POSTN: variants seen among roughly 807,000 people sequenced by gnomAD.
POSTN encodes periostin, also known as osteoblast specific factor 2 (fasciclin I-like).
Under a neutral mutation model 104.5 loss-of-function variants are expected in POSTN, and 71 were observed. The observed-to-expected ratio is 0.68, with a 90% confidence interval of 0.56 to 0.83. The LOEUF is 0.83. Ranked by LOEUF, POSTN falls within the 40% of genes least tolerant of loss-of-function variation. POSTN has a pLI of 0.00. For synonymous variants in POSTN, 355 were observed against 340.7 expected, an observed-to-expected ratio of 1.04 and a Z score of -0.46; for missense variants, 949 against 1,006.8, an observed-to-expected ratio of 0.94 and a Z score of 0.78.
chr13:37,592,295 C>A, intron 2 of POSTN, 131 bp from the exon 3 acceptor site: 1 of 624,956 alleles, frequency 1.6e-6, no homozygotes, highest in Non-Finnish European at 2.7e-6. Flanking sequence ...TTTTTCCCCC[C>A]TGATTTTTTC....
intron 10 of POSTN, 106 bp from the exon 11 acceptor site, chr13:37,580,803 G>C: frequency 7.0e-7 from 1 of 1,423,908 alleles, no homozygotes; most frequent in Non-Finnish European, 9.6e-7. Context: ...CTGAGAGGTT[G>C]CCTGGTGTCT....
chr13:37,587,960 G>T lies in POSTN; in HGVS notation c.468C>A (p.Asn156Lys). ...DSDIRRGLES[N>K]VNVELLNALH... ...AAGCATTCAGTAATTCAACATTCACGTTGCTCTCCAAACCTCTACGGATAT... is the reference window on the plus strand; with the variant it reads ...AAGCATTCAGTAATTCAACATTCACTTTGCTCTCCAAACCTCTACGGATAT... Residue 156 changes from asparagine (N) to lysine (K), a missense_variant, in exon 5 of 23, where the codon AAC becomes AAA. Physicochemically the swap from Asn to Lys is moderately conservative, Grantham distance 94. Coordinates refer to ENST00000379747, the MANE Select transcript of POSTN (RefSeq NM_006475.3). 6.2e-7 allele frequency: 1 copy of T among 1,603,830 alleles called. No homozygotes were observed. The highest frequency in any genetic ancestry group is 1.7e-4 in the Middle Eastern group (1 of 6,042).
chr13:37,562,729 G>C lies in POSTN; in HGVS notation c.*604C>G, dbSNP rs1949968082. On this transcript the variant is annotated 3_prime_UTR_variant, in exon 23 of 23. Transcript: ENST00000379747. ...GTAATTCTCTTTATATCTGAAAAATGGTTTTATTGAAACGTTTGAGATTAA... is the reference window on the plus strand; with the variant it reads ...GTAATTCTCTTTATATCTGAAAAATCGTTTTATTGAAACGTTTGAGATTAA... 1 of 152,164 alleles carries C rather than the reference G, an allele frequency of 6.6e-6. No homozygotes were observed. The highest frequency in any genetic ancestry group is 1.9e-4 in the East Asian group (1 of 5,176). The allele number at this position is 152,164 out of a possible 1,614,324, so 9.4% of individuals were successfully genotyped here.
chr13:37,591,508 G>C (rs966745637), intron 3 of POSTN, among the ~76,000 whole-genome samples: 1 of 152,060 alleles, frequency 6.6e-6, no homozygotes, highest in Admixed American at 6.6e-5. Flanking sequence ...GACTTTCTGT[G>C]GGTTGGTGTT....
chr13:37,584,211 C>T lies in POSTN; in HGVS notation c.1109-108G>A, dbSNP rs1027637199. On this transcript the variant is annotated intron_variant, in intron 8 of 22. Coordinates refer to ENST00000379747, the MANE Select transcript of POSTN (RefSeq NM_006475.3). ...CTTTTCTAATATTGTAAGCTATTTA[C>T]TGCAATGTCAGTGTGATAAGACATC... is the stretch of plus-strand genomic sequence containing the variant. 4 of 1,362,642 alleles carry T rather than the reference C, an allele frequency of 2.9e-6. No individual in the cohort carries two copies. In the Admixed American group the frequency reaches 6.3e-5, roughly 22 times the overall value. The allele number at this position is 1,362,642 out of a possible 1,614,324, so 84.4% of individuals were successfully genotyped here. A position where few individuals can be genotyped will look rare whatever the true frequency, so the allele number is the denominator to read the frequency against.
rs1950692627 is a variant in POSTN at position 37,584,660 on chromosome 13, A to C, written c.1108+56T>G. 12 of 1,377,548 alleles carry C rather than the reference A, an allele frequency of 8.7e-6. No homozygotes were observed. The Admixed American group carries it at 2.0e-4, about 23-fold the overall frequency. 85.3% of individuals were successfully genotyped at this position (1,377,548 alleles called of 1,614,324 possible). On this transcript the variant is annotated intron_variant, in intron 8 of 22. Transcript: ENST00000379747. ...TGGACTTACTCTTTGAGACAGCATA[A>C]TTAGTAAATTACAGTAAGTAAAAAA...
intron 10 of POSTN, among the ~76,000 whole-genome samples, chr13:37,580,967 C>T (rs1356085261): frequency 6.6e-6 from 1 of 152,054 alleles, no homozygotes; most frequent in East Asian, 1.9e-4. Context: ...TCCATGGAAT[C>T]CCACTTCTAC....
rs78553500 is a variant in POSTN at position 37,577,904 on chromosome 13, T to C, written c.1963-106A>G. On this transcript the variant is annotated intron_variant, in intron 15 of 22. Coordinates refer to ENST00000379747, the MANE Select transcript of POSTN (RefSeq NM_006475.3). ...TAAAGTAAAAATAGTGAAGCTATTA[T>C]TACACTTAATAGAAGTGAAGTCCTC... The C allele has an allele frequency of 5.9e-3, 8,950 of 1,517,424 alleles. 504 individuals are homozygous for C. In the East Asian group the frequency reaches 0.14, roughly 24 times the overall value. The allele number at this position is 1,517,424 out of a possible 1,614,324, so 94.0% of individuals were successfully genotyped here.
chr13:37,578,016 A>C (rs1412341381), intron 15 of POSTN, among the ~76,000 whole-genome samples: 1 of 151,854 alleles, frequency 6.6e-6, no homozygotes, highest in Non-Finnish European at 1.5e-5. Flanking sequence ...AAAATTATAT[A>C]ATAATTAATC....
At chr13:37,568,947 T>A (rs28407779) in intron 21 of POSTN, 37,500 of 158,376 alleles carry the variant, frequency 0.24, 5,113 homozygotes, top group East Asian at 0.68. Flanking sequence ...TATAATTTTT[T>A]AAATATAAAA....
chr13:37,587,280 A>G (rs1950776121), intron 5 of POSTN, among the ~76,000 whole-genome samples: 1 of 152,194 alleles, frequency 6.6e-6, no homozygotes, highest in South Asian at 2.1e-4. Flanking sequence ...AATCAGTCCT[A>G]AAATTTAAGT....
rs181074281 is a variant in POSTN, at chr13:37,571,767, A to G, written c.2090-309T>C. Among the ~76,000 whole-genome samples the G allele has an allele frequency of 1.7e-4, 26 of 151,830 alleles. No homozygotes were observed. In the East Asian group the frequency reaches 2.3e-3, roughly 14 times the overall value. On this transcript the variant is annotated intron_variant, in intron 17 of 22. Transcript: ENST00000379747. ...ATTATGCAAAATATTATATGTGGCT[A>G]CACTTTGCAGATCATGCAGTATGTA...
chr13:37,585,902 C>T (rs1000723590), intron 7 of POSTN, among the ~76,000 whole-genome samples: 4 of 152,156 alleles, frequency 2.6e-5, no homozygotes, highest in African/African-American at 9.7e-5. Context: ...TGAATATCTA[C>T]TACTTATTTA....
chr13:37,591,175 C>T (rs535200857), intron 3 of POSTN, among the ~76,000 whole-genome samples: 9 of 151,980 alleles, frequency 5.9e-5, no homozygotes, highest in Non-Finnish European at 1.2e-4. Flanking sequence ...TTAAAAGACC[C>T]TAAAAAGATG....
chr13:37,569,530 C>T, intron 20 of POSTN, 147 bp from the exon 21 acceptor site: 1 of 810,822 alleles, frequency 1.2e-6, no homozygotes, highest in Admixed American at 2.0e-5. Flanking sequence ...TGTTTTCTGA[C>T]ATACTAATAT....
In POSTN at chr13:37,569,923, G is replaced by A. The variant is rs1293696957; in HGVS notation, c.2270-102C>T. 3 of 752,346 alleles carry A rather than the reference G, an allele frequency of 4.0e-6. No individual in the cohort carries two copies. The African/African-American group carries it at 5.3e-5, about 13-fold the overall frequency. 46.6% of individuals were successfully genotyped at this position (752,346 alleles called of 1,614,324 possible). On this transcript the variant is annotated intron_variant, in intron 19 of 22. Transcript: ENST00000379747. ...TTTACACTTGTGGGCCATGTAGTCT[G>A]TGTTGCCATTGTTCAACTCTGATAC...
rs141170471 is a variant in POSTN, at chr13:37,585,544, A to C, written c.895+595T>G. On this transcript the variant is annotated intron_variant, in intron 7 of 22. Coordinates refer to ENST00000379747, the MANE Select transcript of POSTN (RefSeq NM_006475.3). ...AAGGCAACTTCTAGAAAGTAACCAA[A>C]TAAAGATGATTCATTGAAGGACCTC... Among the ~76,000 whole-genome samples, 399 of 152,308 alleles carry C rather than the reference A, an allele frequency of 2.6e-3. 4 individuals are homozygous for C. The highest frequency in any genetic ancestry group is 8.5e-3 in the African/African-American group (355 of 41,570).
rs1949981318 is a variant in POSTN at position 37,563,128 on chromosome 13, C to T, written c.*205G>A. 2.5e-6 allele frequency: 1 copy of T among 399,358 alleles called. No individual in the cohort carries two copies. Among genetic ancestry groups the T allele is most frequent in the Non-Finnish European group, 4.5e-6 (1 of 220,634 alleles). 24.7% of individuals were successfully genotyped at this position (399,358 alleles called of 1,614,324 possible). On this transcript the variant is annotated 3_prime_UTR_variant, in exon 23 of 23. Transcript: ENST00000379747. ...GTAAGGTGTTATATTTTCTTCAATT[C>T]CTTTACCACAGGAGGCTAACTCCAC...
At position 37,583,961 on chromosome 13, in the gene POSTN, G is replaced by A; in HGVS notation, c.1243+8C>T. 1 of 1,613,270 alleles carries A rather than the reference G, an allele frequency of 6.2e-7. No individual in the cohort carries two copies. The highest frequency in any genetic ancestry group is 1.1e-5 in the South Asian group (1 of 90,918). On this transcript the variant is annotated splice_region_variant and intron_variant, in intron 9 of 22. Coordinates refer to ENST00000379747, the MANE Select transcript of POSTN (RefSeq NM_006475.3). ...CAGAGAGCAGGAACAACAGTGTCCA[G>A]CACATACCAGAAAATGCATTATTCA...
Sources: gnomAD v4.1 joint callset for allele counts (sites outside exome capture counted in the v4.1 genomes callset) on GRCh38, gnomAD v4.1.1 for gene constraint, MANE v1.5 for transcripts, NCBI Gene and HGNC (gene_info 2026-07-23, HGNC 2026-07-21) for gene names.